MST1R: variants seen among roughly 807,000 people sequenced by gnomAD.
MST1R encodes the protein macrophage stimulating 1 receptor, also known as macrophage-stimulating protein receptor.
A neutral mutation model predicts 117.8 loss-of-function variants in MST1R; 99 were observed. The observed-to-expected ratio is 0.84, with a 90% CI of 0.71 to 0.99. The LOEUF is 0.99. MST1R is among the 50% of genes least tolerant of loss of function. MST1R has a pLI of 0.00. For synonymous variants in MST1R, 734 were observed against 765.3 expected, an observed-to-expected ratio of 0.96 and a Z score of 0.68; for missense variants, 1,683 against 1,840.2, an observed-to-expected ratio of 0.91 and a Z score of 1.56.
rs889346495 is a variant in MST1R, at chr3:49,902,503, G to C, written c.1107C>G (p.Phe369Leu). 1 of 1,614,186 alleles carries C rather than the reference G, an allele frequency of 6.2e-7. No homozygotes were observed. ...TTAGTGTGTCCAGCAGGTCAATGGG[G>C]AAGGCACAGACGACAGAGTTGGGGC... ...GVGPNSVVCA[F>L]PIDLLDTLID... is the part of the protein sequence containing the mutation. The change falls in exon 1 of 20, where the codon TTC becomes TTG. Residue 369 changes from phenylalanine to leucine, a missense_variant. Phe to Leu is a conservative substitution (Grantham distance 22). Transcript: ENST00000296474.
In MST1R at chr3:49,896,297, A is replaced by T. The variant is rs2082469766; in HGVS notation, c.2547T>A (p.Ala849=). The change falls in exon 10 of 20, where the codon GCT becomes GCA. Residue 849 remains alanine (A), a synonymous_variant. Transcript: ENST00000296474. ...GAAAGCCAGGCAGTGTAAAGCCAGC[A>T]GCTCCATCCCCTCGGGCACTCAGAT... ...AGNLSARGDG[A]AGFTLPGFRF... 1 of 1,614,158 alleles carries T rather than the reference A, an allele frequency of 6.2e-7. No homozygotes were observed. The highest frequency in any genetic ancestry group is 8.5e-7 in the Non-Finnish European group (1 of 1,180,016).
rs763130747 is a variant in MST1R at position 49,895,386 on chromosome 3, G to A, written c.3065-13C>T. ...ATGGCAGGGAGTGCTGTGGGGAGAG[G>A]GAATGAGGAGCTTGTAGGGACAGGG... On this transcript the variant is annotated splice_polypyrimidine_tract_variant and intron_variant, in intron 13 of 19. Transcript: ENST00000296474. 1 of 1,614,178 alleles carries A rather than the reference G, an allele frequency of 6.2e-7. No homozygotes were observed.
In MST1R at chr3:49,899,114, T is replaced by G; in HGVS notation, c.1380A>C (p.Thr460=). 6.2e-7 allele frequency: 1 copy of G among 1,614,174 alleles called. No individual in the cohort carries two copies. The highest frequency in any genetic ancestry group is 8.5e-7 in the Non-Finnish European group (1 of 1,180,050). ...CATCCATTGTGCCCATGTGTGCCACTGTGACGTTGTCAAGGCGTGTCACAT... is the reference window on the plus strand; with the variant it reads ...CATCCATTGTGCCCATGTGTGCCACGGTGACGTTGTCAAGGCGTGTCACAT... ...ALYVTRLDNV[T]VAHMGTMDGR... The change falls in exon 2 of 20, where the codon ACA becomes ACC. Residue 460 remains threonine (T), a synonymous_variant. Coordinates refer to ENST00000296474, the MANE Select transcript of MST1R (RefSeq NM_002447.4).
chr3:49,892,680 A>C (rs912774214), intron 14 of MST1R, among the ~76,000 whole-genome samples: 1 of 151,852 alleles, frequency 6.6e-6, no homozygotes, highest in Non-Finnish European at 1.5e-5. Context: ...AAAAAAAAAA[A>C]AAAAGGCTCA....
In MST1R at chr3:49,890,005, C is replaced by A. The variant is rs1414519759; in HGVS notation, c.3866G>T (p.Arg1289Leu). The change falls in exon 19 of 20, where the codon CGC (arginine) becomes CTC (leucine). Residue 1289 changes from arginine to leucine, a missense_variant. Transcript: ENST00000296474. ...GGTAAGGTCAAAAGGGTCAATGTGG[C>A]GGTATGGTGGGGCACCCCGTGTCAG... is the stretch of plus-strand genomic sequence containing the variant. ...ELLTRGAPPY[R>L]HIDPFDLTHF... 1 of 1,613,744 alleles carries A rather than the reference C, an allele frequency of 6.2e-7. No homozygotes were observed. Among genetic ancestry groups the A allele is most frequent in the East Asian group, 2.2e-5 (1 of 44,880 alleles).
Position 49,895,475 on chromosome 3 carries a change from G to A in MST1R, c.3036C>T (p.Tyr1012=). ...GGCCACTTCTGTAGTCAGAGCCCGA[G>A]TACAGAATAGGCAGGGGTGTGGCTC... ...TAGATPLPIL[Y]SGSDYRSGLA... Residue 1012 remains tyrosine (Y), a synonymous_variant, in exon 13 of 20, where the codon TAC becomes TAT. Transcript: ENST00000296474. 2 of 1,614,184 alleles carry A rather than the reference G, an allele frequency of 1.2e-6. No homozygotes were observed. The highest frequency in any genetic ancestry group is 1.7e-6 in the Non-Finnish European group (2 of 1,180,036).
chr3:49,898,917 G>A lies in MST1R; in HGVS notation c.1498C>T (p.Arg500Trp), dbSNP rs767408780. 49 of 1,614,024 alleles carry A rather than the reference G, an allele frequency of 3.0e-5. No individual in the cohort carries two copies. Among genetic ancestry groups the A allele is most frequent in the African/African-American group, 2.1e-4 (16 of 74,938 alleles). Residue 500 changes from arginine to tryptophan, a missense_variant, in exon 3 of 20, where the codon CGG (arginine) becomes TGG (tryptophan). Coordinates refer to ENST00000296474, the MANE Select transcript of MST1R (RefSeq NM_002447.4). ...TGGTCCCCAAGACGACTGACATCCC[G>A]CTGCACGGGCTGCCCACTGTCACCC... ...SLGDSGQPVQRDVSRLGDHLL... is the reference protein window; with the variant it reads ...SLGDSGQPVQWDVSRLGDHLL...
At position 49,889,932 on chromosome 3, in the gene MST1R, A is replaced by G. The variant is rs2108370628; in HGVS notation, c.3939T>C (p.Pro1313=). The change falls in exon 19 of 20, where the codon CCT becomes CCC. Residue 1313 remains proline (P), a synonymous_variant. Transcript: ENST00000296474. ...GRRLPQPEYC[P]DSLYQVMQQC... The stretch of plus-strand genomic sequence containing the variant: ...CACCTCCACATACTCACAGAGAATC[A>G]GGGCAATACTCAGGCTGGGGCAGGC... The G allele has an allele frequency of 6.2e-7, 1 of 1,614,062 alleles. No individual in the cohort carries two copies. Among genetic ancestry groups the G allele is most frequent in the East Asian group, 2.2e-5 (1 of 44,876 alleles).
rs367549694 is a variant in MST1R at position 49,902,577 on chromosome 3, C to T, written c.1033G>A (p.Val345Ile). The T allele has an allele frequency of 8.1e-6, 13 of 1,613,742 alleles. No homozygotes were observed. Among genetic ancestry groups the T allele is most frequent in the African/African-American group, 5.3e-5 (4 of 74,956 alleles). ...CCAGTCACAAAGACCCCAAATAGTA[C>T]TTCCTGGCCCTCGGCGATGCTCAGC... is the stretch of plus-strand genomic sequence containing the variant. The part of the protein sequence containing the change: ...TELSIAEGQE[V>I]LFGVFVTGKD... The change falls in exon 1 of 20, where the codon GTA becomes ATA. Residue 345 changes from valine (V) to isoleucine (I), a missense_variant. Coordinates refer to ENST00000296474, the MANE Select transcript of MST1R (RefSeq NM_002447.4).
chr3:49,895,026 C>T (rs1249324741), intron 14 of MST1R, 141 bp downstream of exon 14: 36 of 790,514 alleles, frequency 4.6e-5, no homozygotes, highest in African/African-American at 1.9e-4. Context: ...TTAGCCAGGA[C>T]GGTCTCGATC....
At chr3:49,891,879 G>C (rs199587830) in intron 14 of MST1R, 41 bp from the exon 15 acceptor site, 23 of 1,576,614 alleles carry the variant, frequency 1.5e-5, no homozygotes, top group Non-Finnish European at 1.7e-5. Context: ...AGGGGATCCA[G>C]GGCCCAAGGC....
rs1188987991 is a variant in MST1R, at chr3:49,903,514, G to A, written c.96C>T (p.Thr32=). The change falls in exon 1 of 20, where the codon ACC becomes ACT. Residue 32 remains threonine (T), a synonymous_variant. Transcript: ENST00000296474. ...CAAAGTCGCGAGAGGCCGCGTAGGG[G>A]GTGCGCGGGCACTGCCAGTCCTCGC... is the stretch of plus-strand genomic sequence containing the variant. ...AAGEDWQCPR[T]PYAASRDFDV... 6.2e-7 allele frequency: 1 copy of A among 1,608,540 alleles called. No homozygotes were observed. The highest frequency in any genetic ancestry group is 8.5e-7 in the Non-Finnish European group (1 of 1,179,832).
chr3:49,890,499 T>C lies in MST1R; in HGVS notation c.3796A>G (p.Thr1266Ala). The change falls in exon 18 of 20, where the codon ACC becomes GCC. Residue 1266 changes from threonine (T) to alanine (A), a missense_variant. By Grantham distance (58) the Thr-to-Ala change is moderately conservative. Coordinates refer to ENST00000296474, the MANE Select transcript of MST1R (RefSeq NM_002447.4). The stretch of plus-strand genomic sequence containing the variant: ...TGGGGCCTCACCACATCAGACTTGG[T>C]GGTAAATCTATAGGTCTGCAGGCTC... ...LESLQTYRFT[T>A]KSDVWSFGVL... is the part of the protein sequence containing the mutation. 3 of 1,613,254 alleles carry C rather than the reference T, an allele frequency of 1.9e-6. No individual in the cohort carries two copies. The South Asian group carries it at 3.3e-5, about 18-fold the overall frequency.
rs2082458434 is a variant in MST1R at position 49,896,021 on chromosome 3, G to A, written c.2736C>T (p.Asp912=). ...GESCQHEFRG[D]MVVCPLPPSL... ...ATGGGGGCAGGGGGCAGACAACCATGTCCCCCCGGAACTCGTGCTGGCAGC... is the reference window on the plus strand; with the variant it reads ...ATGGGGGCAGGGGGCAGACAACCATATCCCCCCGGAACTCGTGCTGGCAGC... The change falls in exon 11 of 20, where the codon GAC becomes GAT. Residue 912 remains aspartate (D), a synonymous_variant. Coordinates refer to ENST00000296474, the MANE Select transcript of MST1R (RefSeq NM_002447.4). The A allele has an allele frequency of 1.9e-6, 3 of 1,603,118 alleles. No homozygotes were observed. The highest frequency in any genetic ancestry group is 2.6e-6 in the Non-Finnish European group (3 of 1,174,760).
intron 14 of MST1R, among the ~76,000 whole-genome samples, chr3:49,894,157 A>G (rs535114125): frequency 1.3e-4 from 19 of 148,966 alleles, no homozygotes; most frequent in Middle Eastern, 3.5e-3. Flanking sequence ...GGAGGTTGCA[A>G]TGAGCCGAGA....
chr3:49,897,810 T>C (rs907810155), intron 5 of MST1R, 125 bp from the exon 6 acceptor site: 32 of 1,334,574 alleles, frequency 2.4e-5, no homozygotes, highest in Admixed American at 1.3e-4. Context: ...CCTCCCTCCA[T>C]GGAAGGAAGG....
chr3:49,887,205 G>A lies in MST1R; in HGVS notation c.*102C>T. 1 of 1,504,002 alleles carries A rather than the reference G, an allele frequency of 6.6e-7. No homozygotes were observed. The highest frequency in any genetic ancestry group is 9.0e-7 in the Non-Finnish European group (1 of 1,109,930). The allele number at this position is 1,504,002 out of a possible 1,614,324, so 93.2% of individuals were successfully genotyped here. On this transcript the variant is annotated 3_prime_UTR_variant, in exon 20 of 20. Coordinates refer to ENST00000296474, the MANE Select transcript of MST1R (RefSeq NM_002447.4). ...ACCTATTGCCTCTGAAAGTTAAAGG[G>A]CAGGAACAAGGTGGAGGGCCACTGC...
chr3:49,890,807 G>A (rs1286436507), intron 17 of MST1R, among the ~76,000 whole-genome samples, 157 bp from the exon 18 acceptor site: 4 of 152,004 alleles, frequency 2.6e-5, no homozygotes, highest in Non-Finnish European at 1.5e-5. Flanking sequence ...CTCACTGCAA[G>A]CTCTGCCTCC....
chr3:49,900,397 C>T (rs867258036), intron 1 of MST1R, among the ~76,000 whole-genome samples: 5 of 152,252 alleles, frequency 3.3e-5, no homozygotes, highest in South Asian at 2.1e-4. Flanking sequence ...GAGGTGCAGA[C>T]GGGGCTCAGT....
Sources: gnomAD v4.1 joint callset for allele counts (sites outside exome capture counted in the v4.1 genomes callset) on GRCh38, gnomAD v4.1.1 for gene constraint, MANE v1.5 for transcripts, NCBI Gene and HGNC (gene_info 2026-07-23, HGNC 2026-07-21) for gene names.